PRDM6: variants seen among roughly 807,000 people sequenced by gnomAD.
PRDM6 encodes PR/SET domain 6.
In PRDM6, 25 loss-of-function variants were observed where a neutral mutation model predicts 60.8. The ratio of observed to expected loss-of-function variants is 0.41; its 90% confidence interval spans 0.30 to 0.57. The LOEUF (loss-of-function observed/expected upper bound fraction) is 0.57, where lower values mean the gene tolerates loss of function less well. Ranked by LOEUF, PRDM6 falls within the 20% of genes least tolerant of loss-of-function variation. The probability of loss-of-function intolerance (pLI) is 0.27; values close to 1 mark genes in which losing one functional copy is unlikely to be tolerated. For missense variants in PRDM6, 839 were observed against 821.3 expected, an observed-to-expected ratio of 1.02 and a Z score of -0.26; for synonymous variants, 407 against 357.4, an observed-to-expected ratio of 1.14 and a Z score of -1.57.
At chr5:123,090,661 G>A in intron 2 of PRDM6, 55 bp downstream of exon 2, 1 of 1,353,396 alleles carries the variant, frequency 7.4e-7, no homozygotes. Context: ...CGGCGCCGGC[G>A]GGCGCGGGTG....
At chr5:123,178,627 G>A (rs1484969138) in intron 6 of PRDM6, among the ~76,000 whole-genome samples, 1 of 152,182 alleles carries the variant, frequency 6.6e-6, no homozygotes, top group Non-Finnish European at 1.5e-5. Context: ...ATTTCTAAAT[G>A]TAAGTAATTA....
At chr5:123,103,796 G>A (rs777800874) in intron 3 of PRDM6, among the ~76,000 whole-genome samples, 2 of 151,976 alleles carry the variant, frequency 1.3e-5, no homozygotes, top group Non-Finnish European at 2.9e-5. Flanking sequence ...TTTAAGATAG[G>A]CTAGAATTAC....
chr5:123,187,980 T>A lies in PRDM6; in HGVS notation c.*779T>A, dbSNP rs1766327974. On this transcript the variant is annotated 3_prime_UTR_variant, in exon 8 of 8. Transcript: ENST00000407847. ...CCGAAGCAGCTCGTTGAGAAACATT[T>A]GTTTTCAATAACATTTTAGCTTAAA... 1 of 152,180 alleles carries A rather than the reference T, an allele frequency of 6.6e-6. No individual in the cohort carries two copies. The highest frequency in any genetic ancestry group is 1.9e-4 in the East Asian group (1 of 5,194). The allele number at this position is 152,180 out of a possible 1,614,324, so 9.4% of individuals were successfully genotyped here.
chr5:123,152,427 A>G (rs1765388853), intron 3 of PRDM6, among the ~76,000 whole-genome samples: 1 of 152,206 alleles, frequency 6.6e-6, no homozygotes, highest in African/African-American at 2.4e-5. Flanking sequence ...TCTCAACTAG[A>G]TAAAATTAAA....
intron 2 of PRDM6, among the ~76,000 whole-genome samples, chr5:123,097,002 C>G (rs565284414): frequency 6.6e-6 from 1 of 152,196 alleles, no homozygotes; most frequent in Admixed American, 6.5e-5. Context: ...ACTAAACACT[C>G]TTCTGACCAT....
At chr5:123,155,636 A>G (rs1765476471) in intron 3 of PRDM6, among the ~76,000 whole-genome samples, 1 of 152,188 alleles carries the variant, frequency 6.6e-6, no homozygotes, top group East Asian at 1.9e-4. Flanking sequence ...ATATGGTCAC[A>G]TCCGTGAGAT....
At chr5:123,105,879 A>G (rs1764189014) in intron 3 of PRDM6, among the ~76,000 whole-genome samples, 1 of 152,194 alleles carries the variant, frequency 6.6e-6, no homozygotes, top group African/African-American at 2.4e-5. Flanking sequence ...ACAGAATTCC[A>G]TTATCCAAAT....
At chr5:123,113,201 G>A (rs896991198) in intron 3 of PRDM6, among the ~76,000 whole-genome samples, 3 of 151,986 alleles carry the variant, frequency 2.0e-5, no homozygotes, top group Admixed American at 6.6e-5. Context: ...AAAGTCCAGC[G>A]TTTACATTAT....
At chr5:123,101,041 C>A (rs529111418) in intron 3 of PRDM6, among the ~76,000 whole-genome samples, 1 of 152,166 alleles carries the variant, frequency 6.6e-6, no homozygotes, top group African/African-American at 2.4e-5. Flanking sequence ...ATTAATGCAT[C>A]GTTTCTGCAA....
intron 3 of PRDM6, among the ~76,000 whole-genome samples, chr5:123,129,488 G>T (rs1229944236): frequency 6.6e-6 from 1 of 152,108 alleles, no homozygotes; most frequent in African/African-American, 2.4e-5. Flanking sequence ...ATTTCTTATA[G>T]AGCAGGGTAA....
At chr5:123,153,223 A>G (rs977416556) in intron 3 of PRDM6, among the ~76,000 whole-genome samples, 15 of 149,760 alleles carry the variant, frequency 1.0e-4, no homozygotes, top group African/African-American at 3.7e-4. Context: ...AAAAAGGGCT[A>G]GGTTTTCTTT....
Position 123,099,899 on chromosome 5 carries a change from G to T in PRDM6, c.838G>T (p.Val280Leu). 2 of 1,548,752 alleles carry T rather than the reference G, an allele frequency of 1.3e-6. No individual in the cohort carries two copies. Among genetic ancestry groups the T allele is most frequent in the South Asian group, 1.2e-5 (1 of 83,326 alleles). ...CACCTGGATTGGACCTTTCCAAGGC[G>T]TGCTTCTGCCCCCAGAGAAGGTGCA... ...QGTWIGPFQG[V>L]LLPPEKVQAG... Residue 280 changes from valine to leucine, a missense_variant, in exon 3 of 8, where the codon GTG becomes TTG. Transcript: ENST00000407847. The surrounding 1 kb of genome is among the most constrained non-coding windows in gnomAD (Gnocchi z 4.0).
intron 4 of PRDM6, among the ~76,000 whole-genome samples, chr5:123,158,670 T>TTA (rs1396019316): frequency 6.6e-6 from 1 of 152,164 alleles, no homozygotes; most frequent in African/African-American, 2.4e-5. Flanking sequence ...GTCTGCAGTG[T>TTA]TATACAAGGA....
chr5:123,103,642 C>T (rs1764149033), intron 3 of PRDM6, among the ~76,000 whole-genome samples: 1 of 151,892 alleles, frequency 6.6e-6, no homozygotes, highest in African/African-American at 2.4e-5. Context: ...CCCCCTTTCT[C>T]TTGAGATAAA....
At chr5:123,159,764 G>A in intron 5 of PRDM6, 126 bp downstream of exon 5, 5 of 922,202 alleles carry the variant, frequency 5.4e-6, no homozygotes, top group Non-Finnish European at 8.1e-6. Context: ...ACATATACAA[G>A]TCTATTCCAT....
chr5:123,170,291 T>C (rs143386054), intron 5 of PRDM6, among the ~76,000 whole-genome samples: 1 of 152,312 alleles, frequency 6.6e-6, no homozygotes, highest in Non-Finnish European at 1.5e-5. Flanking sequence ...CAAATAGCTT[T>C]TCCTGGATAC....
chr5:123,167,471 C>A (rs1191575488), intron 5 of PRDM6, among the ~76,000 whole-genome samples: 2 of 152,010 alleles, frequency 1.3e-5, no homozygotes, highest in African/African-American at 4.8e-5. Context: ...CTCACCGCAA[C>A]CTCTGCCTCC....
rs565113327 is a variant in PRDM6, at chr5:123,115,479, G to A, written c.900+15518G>A. ...GGGCACACGTTCACACGCACACACT[G>A]TTATCAAAATTTTTGCAGTATTTTT... On this transcript the variant is annotated intron_variant, in intron 3 of 7. Transcript: ENST00000407847. Among the ~76,000 whole-genome samples the A allele has an allele frequency of 3.7e-4, 57 of 152,154 alleles. 1 individual carries two copies. Among genetic ancestry groups the A allele is most frequent in the African/African-American group, 1.3e-3 (56 of 41,490 alleles).
At chr5:123,113,630 G>T (rs189970495) in intron 3 of PRDM6, among the ~76,000 whole-genome samples, 9 of 152,096 alleles carry the variant, frequency 5.9e-5, no homozygotes, top group Non-Finnish European at 1.3e-4. Context: ...GCTCTTCACC[G>T]GTCTGCTCTT....
Sources: allele counts gnomAD v4.1 joint callset (sites outside exome capture counted in the v4.1 genomes callset), GRCh38; gene constraint gnomAD v4.1.1; non-coding constraint Gnocchi (gnomAD v3.1); transcripts MANE v1.5; gene names NCBI Gene and HGNC (gene_info 2026-07-23, HGNC 2026-07-21).